Variants in ADCY1 observed in about 807,000 individuals in gnomAD.
The protein encoded by ADCY1 is adenylate cyclase 1.
A neutral mutation model predicts 105.4 loss-of-function variants in ADCY1; 28 were observed. That is an observed-to-expected ratio of 0.27 (90% CI 0.20 to 0.36). The LOEUF (loss-of-function observed/expected upper bound fraction) is 0.36. ADCY1 is among the 10% of genes least tolerant of loss of function. ADCY1 has a pLI of 1.00. For missense variants in ADCY1, 977 were observed against 1,434.2 expected (o/e 0.68, Z 5.15); for synonymous variants, 655 against 623.8 (o/e 1.05, Z -0.75).
At chr7:45,678,323 G>C (rs1285334518) in intron 10 of ADCY1, 60 bp downstream of exon 10, 1 of 1,516,980 alleles carries the variant, frequency 6.6e-7, no homozygotes, top group South Asian at 1.1e-5. Flanking sequence ...TCTGGGGTTC[G>C]TGGTTGTGTT....
intron 2 of ADCY1, among the ~76,000 whole-genome samples, chr7:45,608,919 C>T (rs897463174): frequency 4.6e-5 from 7 of 152,266 alleles, no homozygotes; most frequent in East Asian, 3.9e-4. Flanking sequence ...CCACAGACTC[C>T]GGTGCCAGGA....
At chr7:45,664,562 A>G in intron 8 of ADCY1, 2 of 1,271,420 alleles carry the variant, frequency 1.6e-6, no homozygotes, top group South Asian at 4.2e-5. Flanking sequence ...AATGAAAAGC[A>G]TTTATCTGGA....
chr7:45,594,694 G>A (rs1388573347), intron 2 of ADCY1, among the ~76,000 whole-genome samples: 1 of 152,066 alleles, frequency 6.6e-6, no homozygotes, highest in East Asian at 1.9e-4. Context: ...TAGCAGCTCT[G>A]TAAGCAAGGA....
At chr7:45,610,818 A>AGGAGGTGATGGTGGAGGTG in intron 3 of ADCY1, among the ~76,000 whole-genome samples, 1 of 104,684 alleles carries the variant, frequency 9.6e-6, no homozygotes, top group East Asian at 3.2e-4. Context: ...TGGTGGAGGT[A>AGGAGGTGATGGTGGAGGTG]TGGAGGTGAT....
intron 2 of ADCY1, among the ~76,000 whole-genome samples, chr7:45,599,798 GTAT>G (rs1793177181): frequency 6.6e-6 from 1 of 152,098 alleles, no homozygotes; most frequent in Non-Finnish European, 1.5e-5. Flanking sequence ...AGCTAATTTT[GTAT>G]TTTTAGTAGA....
At chr7:45,650,185 ACAT>A (rs929748714) in intron 5 of ADCY1, among the ~76,000 whole-genome samples, 8 of 152,326 alleles carry the variant, frequency 5.3e-5, no homozygotes, top group East Asian at 1.9e-4. Flanking sequence ...GTTACATGCC[ACAT>A]CATGTTTCAT....
At chr7:45,597,271 A>G (rs1017993272) in intron 2 of ADCY1, among the ~76,000 whole-genome samples, 1 of 152,214 alleles carries the variant, frequency 6.6e-6, no homozygotes, top group African/African-American at 2.4e-5. Flanking sequence ...CCTTGCTTCG[A>G]GCCTCCTGGC....
intron 4 of ADCY1, among the ~76,000 whole-genome samples, chr7:45,641,944 A>AAAAG (rs1464954839): frequency 2.1e-5 from 3 of 144,690 alleles, no homozygotes; most frequent in African/African-American, 7.6e-5. Flanking sequence ...AAAAAAAAAA[A>AAAAG]AATGTCTTTT....
intron 4 of ADCY1, among the ~76,000 whole-genome samples, chr7:45,648,248 G>A (rs1451926922): frequency 5.9e-5 from 9 of 152,216 alleles, no homozygotes; most frequent in Non-Finnish European, 1.3e-4. Flanking sequence ...CTGCTGGGGG[G>A]AATCTAGCAC....
chr7:45,622,831 A>G, intron 4 of ADCY1, 88 bp downstream of exon 4: 1 of 1,034,392 alleles, frequency 9.7e-7, no homozygotes, highest in Non-Finnish European at 1.5e-6. Flanking sequence ...TATTTGGACC[A>G]TGAACTAGAC....
intron 8 of ADCY1, among the ~76,000 whole-genome samples, chr7:45,675,243 A>G (rs1045456383): frequency 2.0e-5 from 3 of 152,138 alleles, no homozygotes; most frequent in Non-Finnish European, 4.4e-5. Flanking sequence ...ATTTTTACAT[A>G]ACATTACAGC....
chr7:45,623,245 G>A (rs573233690), intron 4 of ADCY1, among the ~76,000 whole-genome samples: 9 of 152,352 alleles, frequency 5.9e-5, no homozygotes, highest in South Asian at 2.1e-4. Flanking sequence ...AGCAGACTGC[G>A]TGCTGGGGTT....
chr7:45,579,245 A>G (rs1314669995), intron 1 of ADCY1, among the ~76,000 whole-genome samples: 3 of 152,126 alleles, frequency 2.0e-5, no homozygotes, highest in Admixed American at 2.0e-4. Context: ...TGTGTCCCGT[A>G]TGCCTTTGTG....
At chr7:45,641,142 T>C (rs1467559887) in intron 4 of ADCY1, among the ~76,000 whole-genome samples, 1 of 152,218 alleles carries the variant, frequency 6.6e-6, no homozygotes, top group African/African-American at 2.4e-5. Context: ...TGGAGCTGTG[T>C]ATTCACTTCC....
chr7:45,713,723 A>G lies in ADCY1; in HGVS notation c.3088A>G (p.Arg1030Gly). 3 of 780,658 alleles carry G rather than the reference A, an allele frequency of 3.8e-6. No homozygotes were observed. The highest frequency in any genetic ancestry group is 7.2e-6 in the Non-Finnish European group (3 of 418,108). The allele number at this position is 780,658 out of a possible 1,614,324, so 48.4% of individuals were successfully genotyped here. ...VTEEVHRLLR[R>G]CPYHFVCRGK... Reference sequence around the variant, plus strand: ...TGAGGAAGTCCACCGGCTGCTGAGAAGGTGCCCCTACCACTTTGTGTGCCG... The same window carrying G: ...TGAGGAAGTCCACCGGCTGCTGAGAGGGTGCCCCTACCACTTTGTGTGCCG... Residue 1030 changes from arginine (R) to glycine (G), a missense_variant, in exon 20 of 20, where the codon AGG becomes GGG. Arg to Gly is a moderately radical substitution (Grantham distance 125). This residue lies in a region of ADCY1 where 78 missense variants were observed against 60.0 expected (regional missense o/e 1.30). Transcript: ENST00000297323.
At chr7:45,682,892 G>A (rs1046299489) in intron 11 of ADCY1, among the ~76,000 whole-genome samples, 1 of 152,148 alleles carries the variant, frequency 6.6e-6, no homozygotes, top group Non-Finnish European at 1.5e-5. Flanking sequence ...TAGGGGGAAG[G>A]GAGCCTCACC....
In ADCY1 at chr7:45,710,762, G is replaced by A. The variant is rs1460773002; in HGVS notation, c.3057+110G>A. 5 of 1,384,774 alleles carry A rather than the reference G, an allele frequency of 3.6e-6. No homozygotes were observed. Among genetic ancestry groups the A allele is most frequent in the Non-Finnish European group, 4.8e-6 (5 of 1,037,860 alleles). The allele number at this position is 1,384,774 out of a possible 1,614,324, so 85.8% of individuals were successfully genotyped here. A position where few individuals can be genotyped will look rare whatever the true frequency, so the allele number is the denominator to read the frequency against. ...CCAGTCTACAGCCCGTAAGTGGCAG[G>A]GCAGAAAGAGCTGCATATTTCGGTC... On this transcript the variant is annotated intron_variant, in intron 19 of 19. Transcript: ENST00000297323. The surrounding 1 kb of genome is among the most constrained non-coding windows in gnomAD (Gnocchi z 4.7).
intron 14 of ADCY1, among the ~76,000 whole-genome samples, chr7:45,699,925 G>T (rs537179021): frequency 1.3e-5 from 2 of 152,292 alleles, no homozygotes; most frequent in South Asian, 4.1e-4. Flanking sequence ...AGCACAGAAG[G>T]GGGGCTGTGA....
At chr7:45,706,080 C>T (rs945634982) in intron 17 of ADCY1, among the ~76,000 whole-genome samples, 1 of 152,136 alleles carries the variant, frequency 6.6e-6, no homozygotes, top group African/African-American at 2.4e-5. Context: ...AGTCAGTGTT[C>T]CTGCATCGGA....
Sources: allele counts gnomAD v4.1 joint callset (sites outside exome capture counted in the v4.1 genomes callset), GRCh38; gene constraint gnomAD v4.1.1; regional missense constraint gnomAD v4.1.1; non-coding constraint Gnocchi (gnomAD v3.1); transcripts MANE v1.5; gene names NCBI Gene and HGNC (gene_info 2026-07-23, HGNC 2026-07-21).